Variants in MYO10 observed in about 807,000 individuals in gnomAD.
MYO10 encodes the protein unconventional myosin-X.
A neutral mutation model predicts 257.3 loss-of-function variants in MYO10; 133 were observed. That is an observed-to-expected ratio of 0.52 (90% CI 0.45 to 0.60). MYO10 has a LOEUF of 0.60. Ranked by LOEUF, MYO10 falls within the 20% of genes least tolerant of loss-of-function variation. MYO10 has a pLI of 0.00. For synonymous variants in MYO10, 1,104 were observed against 1,028.6 expected (o/e 1.07, Z -1.40); for missense variants, 2,399 against 2,635.7 (o/e 0.91, Z 1.97).
chr5:16,805,475 A>AG lies in MYO10; in HGVS notation c.280-10643_280-10642insC, dbSNP rs1367605866. Among the ~76,000 whole-genome samples, 540 of 145,544 alleles carry AG rather than the reference A, an allele frequency of 3.7e-3. 5 individuals carry two copies. The highest frequency in any genetic ancestry group is 5.5e-3 in the South Asian group (26 of 4,688). ...CTCCATCTCAAAAAAAAAAAAAAAA[A>AG]AAAAAGAAAAGAAAAAAAAGAAATC... On this transcript the variant is annotated intron_variant, in intron 3 of 40. Coordinates refer to ENST00000513610, the MANE Select transcript of MYO10 (RefSeq NM_012334.3).
chr5:16,806,661 A>AAG (rs35206536), intron 3 of MYO10, among the ~76,000 whole-genome samples: 2 of 151,516 alleles, frequency 1.3e-5, no homozygotes, highest in African/African-American at 4.9e-5. Context: ...AAAAAAAAAA[A>AAG]TCAAGTATAA....
intron 2 of MYO10, among the ~76,000 whole-genome samples, chr5:16,848,532 C>T (rs566917448): frequency 1.1e-4 from 17 of 152,152 alleles, no homozygotes; most frequent in African/African-American, 3.9e-4. Context: ...ATGATGATGT[C>T]GCCTTTCTCA....
rs13165688 is a variant in MYO10, at chr5:16,747,943, A to G, written c.1929+6885T>C. On this transcript the variant is annotated intron_variant, in intron 19 of 40. Transcript: ENST00000513610. ...CAAAAAAAAAAAAAAAAAAAAAAAA[A>G]AAAGAAAAAAAAAAAGATACAGGAA... is the stretch of plus-strand genomic sequence containing the variant. Among the ~76,000 whole-genome samples, 97 of 139,492 alleles carry G rather than the reference A, an allele frequency of 7.0e-4. No homozygotes were observed. In the Middle Eastern group the frequency reaches 0.011, roughly 16 times the overall value. 91.5% of individuals were successfully genotyped at this position (139,492 alleles called of 152,430 possible). A position where few individuals can be genotyped will look rare whatever the true frequency, so the allele number is the denominator to read the frequency against.
intron 9 of MYO10, among the ~76,000 whole-genome samples, chr5:16,778,565 G>A (rs1741295846): frequency 6.6e-6 from 1 of 152,112 alleles, no homozygotes; most frequent in Non-Finnish European, 1.5e-5. Context: ...GGGGAAGTGG[G>A]TGGGGCCACG....
At chr5:16,818,426 AC>A (rs1742704954) in intron 2 of MYO10, among the ~76,000 whole-genome samples, 1 of 147,094 alleles carries the variant, frequency 6.8e-6, no homozygotes, top group African/African-American at 2.6e-5. Flanking sequence ...ATATATATAT[AC>A]ACATATCTTT....
At chr5:16,773,186 C>T (rs756497014) in intron 9 of MYO10, among the ~76,000 whole-genome samples, 19 of 152,178 alleles carry the variant, frequency 1.2e-4, no homozygotes, top group Non-Finnish European at 2.6e-4. Flanking sequence ...TTGCCAAGTG[C>T]TTATCAATTT....
At chr5:16,796,183 T>A (rs62369316) in intron 3 of MYO10, among the ~76,000 whole-genome samples, 1 of 107,806 alleles carries the variant, frequency 9.3e-6, no homozygotes, top group Non-Finnish European at 1.7e-5. Context: ...AGCGAGACTC[T>A]GTCAAAAAAA....
At chr5:16,887,176 CCA>C (rs1454328673) in intron 1 of MYO10, among the ~76,000 whole-genome samples, 1 of 152,066 alleles carries the variant, frequency 6.6e-6, no homozygotes, top group African/African-American at 2.4e-5. Context: ...CTTATCCTGC[CCA>C]CAGTGTCAAA....
At chr5:16,914,136 C>G (rs1368655443) in intron 1 of MYO10, among the ~76,000 whole-genome samples, 2 of 152,196 alleles carry the variant, frequency 1.3e-5, no homozygotes, top group African/African-American at 4.8e-5. Flanking sequence ...GTACTGCAAG[C>G]TGGGCCAAGG....
intron 3 of MYO10, among the ~76,000 whole-genome samples, chr5:16,813,931 C>G (rs1475111892): frequency 6.6e-6 from 1 of 152,126 alleles, no homozygotes; most frequent in Non-Finnish European, 1.5e-5. Context: ...TGTGAGCGGC[C>G]TCTAGAAGCT....
intron 19 of MYO10, among the ~76,000 whole-genome samples, chr5:16,717,971 C>G (rs968030296): frequency 6.6e-6 from 1 of 152,218 alleles, no homozygotes; most frequent in Non-Finnish European, 1.5e-5. Context: ...CGAGCGGGAA[C>G]CGGGGCTGCG....
At chr5:16,925,218 T>A (rs1746100475) in intron 1 of MYO10, among the ~76,000 whole-genome samples, 4 of 152,224 alleles carry the variant, frequency 2.6e-5, no homozygotes, top group Admixed American at 2.6e-4. Context: ...ATGTTTTGAA[T>A]AATTTTAGAG....
At chr5:16,772,695 A>G (rs1475339548) in intron 9 of MYO10, among the ~76,000 whole-genome samples, 1 of 152,216 alleles carries the variant, frequency 6.6e-6, no homozygotes, top group South Asian at 2.1e-4. Flanking sequence ...CTTTTACAAC[A>G]AAAAATGAGA....
chr5:16,771,745 A>G (rs954854970), intron 9 of MYO10, among the ~76,000 whole-genome samples: 3 of 151,504 alleles, frequency 2.0e-5, no homozygotes, highest in Non-Finnish European at 4.4e-5. Context: ...ACACCTGGCT[A>G]AATTTTTGTA....
chr5:16,897,435 G>A (rs538216481), intron 1 of MYO10, among the ~76,000 whole-genome samples: 10 of 152,222 alleles, frequency 6.6e-5, no homozygotes, highest in African/African-American at 2.4e-4. Context: ...ACGCCCTACT[G>A]GTGTTTGAAA....
chr5:16,928,991 C>A (rs1385850254), intron 1 of MYO10, among the ~76,000 whole-genome samples: 1 of 149,714 alleles, frequency 6.7e-6, no homozygotes, highest in Admixed American at 6.7e-5. Flanking sequence ...CTTGCTCTGT[C>A]GCCCAGGCTG....
intron 28 of MYO10, among the ~76,000 whole-genome samples, chr5:16,689,364 CAATATT>C (rs1248205864): frequency 6.6e-6 from 1 of 152,114 alleles, no homozygotes; most frequent in Non-Finnish European, 1.5e-5. Flanking sequence ...TTGAATTCTT[CAATATT>C]AAGATCTTTA....
intron 33 of MYO10, among the ~76,000 whole-genome samples, chr5:16,678,309 G>C (rs1054087557): frequency 2.0e-5 from 3 of 152,210 alleles, no homozygotes; most frequent in Non-Finnish European, 4.4e-5. Flanking sequence ...GCCAGTCCCA[G>C]TGGCTCATGC....
chr5:16,773,255 CTAAAAGG>C (rs942089120), intron 9 of MYO10, among the ~76,000 whole-genome samples: 1 of 151,976 alleles, frequency 6.6e-6, no homozygotes, highest in Non-Finnish European at 1.5e-5. Context: ...GTGATTTCTT[CTAAAAGG>C]TAAAAGCAAA....
Sources: allele counts gnomAD v4.1 joint callset (sites outside exome capture counted in the v4.1 genomes callset), GRCh38; gene constraint gnomAD v4.1.1; transcripts MANE v1.5; gene names NCBI Gene and HGNC (gene_info 2026-07-23, HGNC 2026-07-21).